Variants in ECHS1 observed in about 807,000 individuals in gnomAD.
The protein encoded by ECHS1 is enoyl-CoA hydratase, mitochondrial.
ECHS1 carries 19 observed loss-of-function variants against 33.5 expected under a neutral mutation model. That is an observed-to-expected ratio of 0.57 (90% confidence interval 0.40 to 0.83). ECHS1 has a LOEUF of 0.83. Among genes scored for constraint, ECHS1 ranks in the 40% least tolerant of loss-of-function variants. The pLI is 0.00. For synonymous variants in ECHS1, 158 were observed against 146.6 expected (o/e 1.08, Z -0.56); for missense variants, 365 against 381.3 (o/e 0.96, Z 0.36).
At chr10:133,372,712 T>G (rs1219295668) in intron 1 of ECHS1, among the ~76,000 whole-genome samples, 5 of 44,952 alleles carry the variant, frequency 1.1e-4, no homozygotes, top group Non-Finnish European at 1.8e-4. Context: ...GTCAGGTGGG[T>G]GGTGTCGGTG....
chr10:133,363,933 AC>A (rs1387463906), intron 7 of ECHS1, among the ~76,000 whole-genome samples: 1 of 152,056 alleles, frequency 6.6e-6, no homozygotes, highest in Non-Finnish European at 1.5e-5. Flanking sequence ...ATCTAAAAAA[AC>A]ATGGGTAAAA....
rs1252682978 is a variant in ECHS1, at chr10:133,365,372, C to CA, written c.739+603dup. 3.9e-5 allele frequency among the ~76,000 whole-genome samples: 6 copies of CA among 152,384 alleles called. No homozygotes were observed. In the East Asian group the frequency reaches 1.2e-3, roughly 29 times the overall value. The stretch of plus-strand genomic sequence containing the variant: ...GCCACACCCTCGAGATAAATGCACT[C>CA]AGAGAGGTTAGGGGACCTGCCTGGG... On this transcript the variant is annotated intron_variant, in intron 6 of 7. Coordinates refer to ENST00000368547, the MANE Select transcript of ECHS1 (RefSeq NM_004092.4).
intron 1 of ECHS1, among the ~76,000 whole-genome samples, 168 bp downstream of exon 1, chr10:133,373,078 G>GCTAC (rs1849135969): frequency 8.6e-6 from 1 of 116,304 alleles, no homozygotes; most frequent in Non-Finnish European, 1.8e-5. Context: ...GTGGGGTGCG[G>GCTAC]GTAGGGGTCA....
intron 3 of ECHS1, among the ~76,000 whole-genome samples, chr10:133,369,426 GCGT>G (rs1420346551): frequency 3.1e-4 from 8 of 25,756 alleles, no homozygotes; most frequent in African/African-American, 5.1e-4. Flanking sequence ...ACGGCAGGGA[GCGT>G]CATGAAATGA....
intron 1 of ECHS1, 56 bp downstream of exon 1, chr10:133,373,190 C>A: frequency 7.5e-7 from 1 of 1,334,570 alleles, no homozygotes; most frequent in Non-Finnish European, 9.7e-7. Flanking sequence ...CTGGTCTGGG[C>A]GTGCAGGTCG....
intron 5 of ECHS1, among the ~76,000 whole-genome samples, 155 bp from the exon 6 acceptor site, chr10:133,366,250 C>G (rs1413633530): frequency 6.6e-6 from 1 of 152,212 alleles, no homozygotes; most frequent in African/African-American, 2.4e-5. Flanking sequence ...CGCACGTGCC[C>G]CTTCCTGAGT....
At chr10:133,365,010 TGAG>T (rs1849010918) in intron 6 of ECHS1, among the ~76,000 whole-genome samples, 1 of 152,108 alleles carries the variant, frequency 6.6e-6, no homozygotes, top group South Asian at 2.1e-4. Flanking sequence ...ACTGTGCCCT[TGAG>T]GAGAGGCTGT....
chr10:133,370,089 A>C, intron 2 of ECHS1, 58 bp from the exon 3 acceptor site: 2 of 1,601,592 alleles, frequency 1.2e-6, no homozygotes, highest in Non-Finnish European at 1.7e-6. Context: ...CACCCATCCT[A>C]TATCTCTCAG....
intron 5 of ECHS1, among the ~76,000 whole-genome samples, chr10:133,366,491 T>A (rs1371643306): frequency 6.6e-6 from 1 of 152,270 alleles, no homozygotes; most frequent in Non-Finnish European, 1.5e-5. Flanking sequence ...CTTCCGTACA[T>A]ACAGTACTTC....
In ECHS1 at chr10:133,369,934, C is replaced by T; in HGVS notation, c.384G>A (p.Lys128=). 1 of 1,613,818 alleles carries T rather than the reference C, an allele frequency of 6.2e-7. No individual in the cohort carries two copies. Among genetic ancestry groups the T allele is most frequent in the Non-Finnish European group, 8.5e-7 (1 of 1,179,986 alleles). The stretch of plus-strand genomic sequence containing the variant: ...AGCCATTGACAGCAGCGATGACTGG[C>T]TTCTTGACCTGGGTGAGGTGGTCCC... ...KHWDHLTQVK[K]PVIAAVNGYA... is the part of the protein sequence containing the mutation. The change falls in exon 3 of 8, where the codon AAG becomes AAA. Residue 128 remains lysine, a synonymous_variant. Transcript: ENST00000368547.
Position 133,362,856 on chromosome 10 carries a change from G to A in ECHS1, c.*12C>T. ...TCTCCAAGCAGAGGTGTGAAGCAGG[G>A]GCAGCTGGTTCTCACTGGTCTTTGA... On this transcript the variant is annotated 3_prime_UTR_variant, in exon 8 of 8. Transcript: ENST00000368547. 1 of 1,613,954 alleles carries A rather than the reference G, an allele frequency of 6.2e-7. No individual in the cohort carries two copies. The highest frequency in any genetic ancestry group is 8.5e-7 in the Non-Finnish European group (1 of 1,179,858).
intron 7 of ECHS1, among the ~76,000 whole-genome samples, chr10:133,364,419 C>T (rs553227885): frequency 5.7e-4 from 86 of 152,100 alleles, no homozygotes; most frequent in Non-Finnish European, 1.0e-3. Flanking sequence ...ACAGACCTCA[C>T]ATAACAGGAA....
In ECHS1 at chr10:133,366,273, C is replaced by T. The variant is rs6537599; in HGVS notation, c.620-178G>A. 0.93 allele frequency among the ~76,000 whole-genome samples: 141,717 copies of T among 152,276 alleles called. 66,702 individuals are homozygous for T. Among genetic ancestry groups the T allele is most frequent in the Non-Finnish European group, 1 (67,820 of 68,044 alleles). On this transcript the variant is annotated intron_variant, in intron 5 of 7. Coordinates refer to ENST00000368547, the MANE Select transcript of ECHS1 (RefSeq NM_004092.4). The stretch of plus-strand genomic sequence containing the variant: ...CCCCTTCCTGAGTGCTGAGTGATCT[C>T]GGCACTGCGGTCACTGTGCTCTCAG...
Position 133,373,238 on chromosome 10 carries a change from G to A in ECHS1, c.88+8C>T, listed in dbSNP as rs1424112945. 4.9e-6 allele frequency: 7 copies of A among 1,424,262 alleles called. No homozygotes were observed. The highest frequency in any genetic ancestry group is 1.9e-4 in the Middle Eastern group (1 of 5,148). The allele number at this position is 1,424,262 out of a possible 1,614,324, so 88.2% of individuals were successfully genotyped here. On this transcript the variant is annotated splice_region_variant and intron_variant, in intron 1 of 7. Coordinates refer to ENST00000368547, the MANE Select transcript of ECHS1 (RefSeq NM_004092.4). ...GATTCGGGCCGCCAGCTCTCACCGC[G>A]CACTCACCCGAGGCGAAGGGACGCC...
At position 133,368,776 on chromosome 10, in the gene ECHS1, C is replaced by T. The variant is rs41310326; in HGVS notation, c.514+147G>A. ...GCTCTGTCACAACCACTCTAGCCTCCGTGGCTGTCCACAGAGGGACCACTG... is the reference window on the plus strand; with the variant it reads ...GCTCTGTCACAACCACTCTAGCCTCTGTGGCTGTCCACAGAGGGACCACTG... On this transcript the variant is annotated intron_variant, in intron 4 of 7. Transcript: ENST00000368547. The T allele has an allele frequency of 0.052, 35,452 of 682,188 alleles. 1,214 individuals carry two copies. Among genetic ancestry groups the T allele is most frequent in the African/African-American group, 0.11 (6,177 of 55,762 alleles). 42.3% of individuals were successfully genotyped at this position (682,188 alleles called of 1,614,324 possible).
At chr10:133,368,398 AG>A (rs67089125) in intron 4 of ECHS1, among the ~76,000 whole-genome samples, 137,004 of 152,124 alleles carry the variant, frequency 0.9, 63,285 homozygotes, top group Non-Finnish European at 1. Context: ...TGCTCCCCTC[AG>A]GGTCTCAGCT....
chr10:133,368,068 C>T (rs1157764091), intron 4 of ECHS1, among the ~76,000 whole-genome samples: 1 of 152,172 alleles, frequency 6.6e-6, no homozygotes, highest in Non-Finnish European at 1.5e-5. Flanking sequence ...CTCTTTATCT[C>T]TTTGTCTTGT....
Position 133,364,661 on chromosome 10 carries a change from G to T in ECHS1, c.804C>A (p.Ala268=). Residue 268 remains alanine (A), a synonymous_variant, in exon 7 of 8, where the codon GCC becomes GCA. Transcript: ENST00000368547. ...CGGTTGAACACTGTTTACTCACAGT[G>T]GCAAAGGTTGAATAAAAGAGTTTCT... ...LEKKLFYSTF[A]TDDRKEGMTA... 6.2e-7 allele frequency: 1 copy of T among 1,612,314 alleles called. No homozygotes were observed. Among genetic ancestry groups the T allele is most frequent in the South Asian group, 1.1e-5 (1 of 91,042 alleles).
At chr10:133,367,864 G>A (rs961151112) in intron 4 of ECHS1, among the ~76,000 whole-genome samples, 1 of 152,016 alleles carries the variant, frequency 6.6e-6, no homozygotes. Flanking sequence ...TCTCTGCTTC[G>A]GCTACCTAAG....
Sources: gnomAD v4.1 joint callset for allele counts (sites outside exome capture counted in the v4.1 genomes callset) on GRCh38, gnomAD v4.1.1 for gene constraint, MANE v1.5 for transcripts, NCBI Gene and HGNC (gene_info 2026-07-23, HGNC 2026-07-21) for gene names.